The following GSK3B variants were observed in gnomAD, a reference collection of about 807,000 sequenced individuals.
GSK3B encodes glycogen synthase kinase-3 beta.
Under a neutral mutation model 56.4 loss-of-function variants are expected in GSK3B, and 15 were observed. The ratio of observed to expected loss-of-function variants is 0.27; its 90% confidence interval spans 0.18 to 0.41. The LOEUF (loss-of-function observed/expected upper bound fraction) is 0.41. Among genes scored for constraint, GSK3B ranks in the 10% least tolerant of loss-of-function variants. The pLI is 1.00. For missense variants in GSK3B, 300 were observed against 513.4 expected, an observed-to-expected ratio of 0.58 and a Z score of 4.02; for synonymous variants, 181 against 188.9, an observed-to-expected ratio of 0.96 and a Z score of 0.34.
chr3:119,875,144 A>C (rs1405127459), intron 8 of GSK3B, among the ~76,000 whole-genome samples: 4 of 152,094 alleles, frequency 2.6e-5, no homozygotes, highest in Non-Finnish European at 4.4e-5. Context: ...AAAAGTTACA[A>C]CCTATAATTC....
intron 3 of GSK3B, among the ~76,000 whole-genome samples, chr3:119,940,209 T>C (rs1406561332): frequency 6.6e-6 from 1 of 151,762 alleles, no homozygotes; most frequent in African/African-American, 2.4e-5. Context: ...TATACATACA[T>C]ATATTACCCT....
chr3:119,864,411 A>C (rs2056149157), intron 8 of GSK3B, among the ~76,000 whole-genome samples: 1 of 152,226 alleles, frequency 6.6e-6, no homozygotes, highest in South Asian at 2.1e-4. Context: ...CAAAAACTAT[A>C]AAAATATTCT....
chr3:120,011,820 A>C (rs749587495), intron 1 of GSK3B, among the ~76,000 whole-genome samples: 3 of 152,236 alleles, frequency 2.0e-5, no homozygotes, highest in Non-Finnish European at 4.4e-5. Context: ...CTGTTTACAA[A>C]GAACAATCCC....
chr3:119,902,988 T>TA (rs149185685), intron 7 of GSK3B, among the ~76,000 whole-genome samples: 1,816 of 152,308 alleles, frequency 0.012, 22 homozygotes, highest in Middle Eastern at 0.051. Flanking sequence ...GTGCTGGGGT[T>TA]ACAGGCGTGA....
chr3:119,925,732 A>G (rs1373095263), intron 3 of GSK3B, among the ~76,000 whole-genome samples: 1 of 151,806 alleles, frequency 6.6e-6, no homozygotes, highest in African/African-American at 2.4e-5. Context: ...CTCTAACCAC[A>G]CTAATCACCA....
intron 4 of GSK3B, among the ~76,000 whole-genome samples, chr3:119,921,606 G>A (rs1450067985): frequency 6.6e-6 from 1 of 152,124 alleles, no homozygotes; most frequent in East Asian, 1.9e-4. Context: ...TAGGTCAAAT[G>A]ATCCGGTTTC....
chr3:119,994,988 T>C (rs2057600692), intron 2 of GSK3B, among the ~76,000 whole-genome samples: 1 of 152,064 alleles, frequency 6.6e-6, no homozygotes, highest in Non-Finnish European at 1.5e-5. Flanking sequence ...CTGAATAATT[T>C]AGGGATAAAA....
In GSK3B at chr3:120,078,203, G is replaced by T. The variant is rs567395182; in HGVS notation, c.88+15144C>A. On this transcript the variant is annotated intron_variant, in intron 1 of 10. Transcript: ENST00000264235. ...TTTCTCACCTCTTTCCTAGACTTTAGAAAGTCTAGGCTTTCTCAGCTATAT... is the reference window on the plus strand; with the variant it reads ...TTTCTCACCTCTTTCCTAGACTTTATAAAGTCTAGGCTTTCTCAGCTATAT... 2.6e-5 allele frequency among the ~76,000 whole-genome samples: 4 copies of T among 152,146 alleles called. No homozygotes were observed. The South Asian group carries it at 8.3e-4, about 32-fold the overall frequency.
chr3:119,930,279 CA>C (rs2056933391), intron 3 of GSK3B, among the ~76,000 whole-genome samples: 1 of 152,100 alleles, frequency 6.6e-6, no homozygotes, highest in African/African-American at 2.4e-5. Flanking sequence ...TCATTTATTA[CA>C]GGTTGCAAAT....
intron 9 of GSK3B, among the ~76,000 whole-genome samples, 163 bp downstream of exon 9, chr3:119,863,256 T>C (rs370817369): frequency 1.1e-3 from 169 of 152,344 alleles, no homozygotes; most frequent in African/African-American, 3.9e-3. Flanking sequence ...TTCAAAACCA[T>C]GTAAGTAGTG....
chr3:120,038,399 A>G (rs1040605000), intron 1 of GSK3B, among the ~76,000 whole-genome samples: 1 of 152,110 alleles, frequency 6.6e-6, no homozygotes, highest in African/African-American at 2.4e-5. Context: ...ACCCTGGTCC[A>G]CACCTATGAT....
At chr3:119,844,242 A>C (rs558591678) in intron 9 of GSK3B, among the ~76,000 whole-genome samples, 1 of 152,288 alleles carries the variant, frequency 6.6e-6, no homozygotes, top group Non-Finnish European at 1.5e-5. Context: ...TGTAAAATTG[A>C]CACCCTAACA....
intron 1 of GSK3B, among the ~76,000 whole-genome samples, chr3:120,074,269 C>T (rs2058350616): frequency 6.7e-6 from 1 of 149,672 alleles, no homozygotes. Flanking sequence ...CACCGCAGTG[C>T]AGCTTGGGTC....
At chr3:119,835,511 C>G (rs2055676955) in intron 10 of GSK3B, among the ~76,000 whole-genome samples, 1 of 152,106 alleles carries the variant, frequency 6.6e-6, no homozygotes, top group African/African-American at 2.4e-5. Flanking sequence ...CTCTAAATAG[C>G]CTAAGCCCAT....
chr3:119,935,746 A>G (rs1266630349), intron 3 of GSK3B, among the ~76,000 whole-genome samples: 1 of 152,204 alleles, frequency 6.6e-6, no homozygotes, highest in East Asian at 1.9e-4. Flanking sequence ...ATGTCATTCT[A>G]TGAAGCCAGT....
intron 2 of GSK3B, among the ~76,000 whole-genome samples, chr3:120,001,229 T>C (rs935187153): frequency 6.6e-6 from 1 of 152,008 alleles, no homozygotes; most frequent in Non-Finnish European, 1.5e-5. Context: ...ACAGGAGATC[T>C]GGTTATTTAA....
chr3:120,083,984 TA>T (rs1308992557), intron 1 of GSK3B, among the ~76,000 whole-genome samples: 2 of 152,134 alleles, frequency 1.3e-5, no homozygotes, highest in Non-Finnish European at 2.9e-5. Flanking sequence ...AAGGGGAACA[TA>T]GGGAATGGCT....
At chr3:120,063,631 G>C (rs971468135) in intron 1 of GSK3B, among the ~76,000 whole-genome samples, 1 of 151,816 alleles carries the variant, frequency 6.6e-6, no homozygotes, top group Non-Finnish European at 1.5e-5. Flanking sequence ...GGGAGGCTGA[G>C]GCAGGAGAAT....
chr3:119,949,235 A>G (rs2057131097), intron 2 of GSK3B, among the ~76,000 whole-genome samples: 2 of 152,256 alleles, frequency 1.3e-5, no homozygotes, highest in Non-Finnish European at 2.9e-5. Context: ...ATCAAAAAGA[A>G]TGCATAAGTG....
Sources: gnomAD v4.1 joint callset for allele counts (sites outside exome capture counted in the v4.1 genomes callset) on GRCh38, gnomAD v4.1.1 for gene constraint, MANE v1.5 for transcripts, NCBI Gene and HGNC (gene_info 2026-07-23, HGNC 2026-07-21) for gene names.